The following CACNA2D3 variants were observed in gnomAD, a reference collection of about 807,000 sequenced individuals.
The protein encoded by CACNA2D3 is voltage-dependent calcium channel subunit alpha-2/delta-3.
CACNA2D3 carries 60 observed loss-of-function variants against 160.6 expected under a neutral mutation model. The observed-to-expected ratio is 0.37, with a 90% CI of 0.30 to 0.46. The LOEUF is 0.46. Ranked by LOEUF, CACNA2D3 falls within the 20% of genes least tolerant of loss-of-function variation. The pLI is 1.00. For synonymous variants in CACNA2D3, 558 were observed against 492.9 expected (o/e 1.13, Z -1.75); for missense variants, 1,205 against 1,365.0 (o/e 0.88, Z 1.85).
intron 4 of CACNA2D3, among the ~76,000 whole-genome samples, chr3:54,400,495 G>A (rs754804442): frequency 2.0e-4 from 31 of 152,070 alleles, no homozygotes; most frequent in Non-Finnish European, 3.7e-4. Context: ...TCTCATCTAA[G>A]ACTCACCATT....
At chr3:54,955,641 C>T (rs2107029413) in intron 27 of CACNA2D3, among the ~76,000 whole-genome samples, 1 of 152,178 alleles carries the variant, frequency 6.6e-6, no homozygotes, top group Non-Finnish European at 1.5e-5. Flanking sequence ...TGAGTCCCAA[C>T]AGAATGTTGG....
intron 2 of CACNA2D3, among the ~76,000 whole-genome samples, chr3:54,145,139 ACTGT>A (rs1443624933): frequency 6.6e-6 from 1 of 152,258 alleles, no homozygotes; most frequent in Non-Finnish European, 1.5e-5. Context: ...GACAGAGCAA[ACTGT>A]CTGTTTAAGC....
At chr3:54,461,666 T>C (rs566022023) in intron 4 of CACNA2D3, among the ~76,000 whole-genome samples, 2 of 149,320 alleles carry the variant, frequency 1.3e-5, no homozygotes, top group Non-Finnish European at 3.0e-5. Context: ...TTCTTCTCTC[T>C]TTTTTTCTTT....
At chr3:54,710,875 A>G (rs945810599) in intron 11 of CACNA2D3, among the ~76,000 whole-genome samples, 1 of 152,216 alleles carries the variant, frequency 6.6e-6, no homozygotes, top group African/African-American at 2.4e-5. Flanking sequence ...ATATTTAATT[A>G]AATCTCCTTA....
intron 11 of CACNA2D3, among the ~76,000 whole-genome samples, chr3:54,731,838 C>T (rs558011367): frequency 2.9e-4 from 44 of 152,028 alleles, no homozygotes; most frequent in African/African-American, 9.6e-4. Flanking sequence ...GGTATTTAGA[C>T]GAACACTTCA....
intron 9 of CACNA2D3, among the ~76,000 whole-genome samples, chr3:54,587,021 G>A (rs1157910640): frequency 6.6e-6 from 1 of 152,012 alleles, no homozygotes; most frequent in Non-Finnish European, 1.5e-5. Flanking sequence ...CTATAGCAAT[G>A]TTAGGGGAGA....
In CACNA2D3 at chr3:54,606,308, A is replaced by G. The variant is rs567559884; in HGVS notation, c.964-21479A>G. The stretch of plus-strand genomic sequence containing the variant: ...GAAGGTTGGAATAGTCGATAGAGGA[A>G]GTCTCTTTCAGCACAAGGAATAGGC... On this transcript the variant is annotated intron_variant, in intron 9 of 37. Transcript: ENST00000474759. Among the ~76,000 whole-genome samples the G allele has an allele frequency of 1.1e-4, 16 of 151,980 alleles. 1 individual carries two copies. The South Asian group carries it at 3.1e-3, about 30-fold the overall frequency.
intron 2 of CACNA2D3, among the ~76,000 whole-genome samples, chr3:54,227,527 C>T (rs1701695392): frequency 7.5e-6 from 1 of 132,554 alleles, no homozygotes; most frequent in Non-Finnish European, 1.6e-5. Context: ...AAGACAGAGC[C>T]AAACATTTCA....
At chr3:54,562,073 C>T (rs1436709552) in intron 5 of CACNA2D3, among the ~76,000 whole-genome samples, 1 of 152,146 alleles carries the variant, frequency 6.6e-6, no homozygotes, top group Non-Finnish European at 1.5e-5. Context: ...CAGGTCCCTC[C>T]CACAACACAT....
At chr3:54,779,775 C>T (rs1485327668) in intron 13 of CACNA2D3, among the ~76,000 whole-genome samples, 1 of 152,206 alleles carries the variant, frequency 6.6e-6, no homozygotes, top group Non-Finnish European at 1.5e-5. Flanking sequence ...CATTGCCTTT[C>T]CATCTCAGGT....
intron 3 of CACNA2D3, among the ~76,000 whole-genome samples, chr3:54,362,496 CCCTGCCCA>C (rs1325429628): frequency 1.3e-5 from 2 of 152,170 alleles, no homozygotes; most frequent in Admixed American, 1.3e-4. Flanking sequence ...TATTCACGGG[CCCTGCCCA>C]CACTCCCGGG....
At chr3:54,209,276 A>AT (rs1000091139) in intron 2 of CACNA2D3, among the ~76,000 whole-genome samples, 2 of 152,126 alleles carry the variant, frequency 1.3e-5, no homozygotes, top group Non-Finnish European at 2.9e-5. Flanking sequence ...ACAAAACAAG[A>AT]TTGGGAGGTC....
intron 2 of CACNA2D3, among the ~76,000 whole-genome samples, chr3:54,219,032 T>C (rs376894169): frequency 5.3e-5 from 8 of 152,326 alleles, no homozygotes; most frequent in African/African-American, 1.7e-4. Context: ...GATTAGGACA[T>C]GGACATCTTT....
At chr3:54,680,095 G>A (rs1261519932) in intron 11 of CACNA2D3, among the ~76,000 whole-genome samples, 3 of 152,112 alleles carry the variant, frequency 2.0e-5, no homozygotes, top group Non-Finnish European at 4.4e-5. Flanking sequence ...TTGTAAGGGA[G>A]GATTGTAGGG....
At chr3:54,821,692 CTTTCT>C (rs1559594964) in intron 14 of CACNA2D3, among the ~76,000 whole-genome samples, 3,025 of 126,470 alleles carry the variant, frequency 0.024, 121 homozygotes, top group African/African-American at 0.078. Context: ...TTCTTTCTTT[CTTTCT>C]TTCCTTCCTT....
At chr3:54,333,500 G>C (rs1704312481) in intron 3 of CACNA2D3, among the ~76,000 whole-genome samples, 1 of 152,076 alleles carries the variant, frequency 6.6e-6, no homozygotes, top group African/African-American at 2.4e-5. Context: ...CCTTCTCAGT[G>C]ATCAGAGGCT....
chr3:55,052,593 C>T (rs1704254506), intron 35 of CACNA2D3, among the ~76,000 whole-genome samples: 1 of 152,016 alleles, frequency 6.6e-6, no homozygotes, highest in Admixed American at 6.6e-5. Flanking sequence ...TTGCAGTCTC[C>T]AACTGTAATT....
At chr3:54,261,436 A>G (rs1158997983) in intron 2 of CACNA2D3, among the ~76,000 whole-genome samples, 1 of 152,122 alleles carries the variant, frequency 6.6e-6, no homozygotes, top group Non-Finnish European at 1.5e-5. Flanking sequence ...TGGTCCTAGG[A>G]CTGCTTTTAT....
chr3:54,242,087 T>C (rs1045437030), intron 2 of CACNA2D3, among the ~76,000 whole-genome samples: 4 of 152,272 alleles, frequency 2.6e-5, no homozygotes, highest in Admixed American at 1.3e-4. Flanking sequence ...AAGTTGAATT[T>C]ATAAATTAGG....
Sources: allele counts gnomAD v4.1 joint callset (sites outside exome capture counted in the v4.1 genomes callset), GRCh38; gene constraint gnomAD v4.1.1; transcripts MANE v1.5; gene names NCBI Gene and HGNC (gene_info 2026-07-23, HGNC 2026-07-21).